Variants in HOXB9 observed in about 807,000 individuals in gnomAD.
HOXB9 encodes homeobox B9.
A neutral mutation model predicts 21.5 loss-of-function variants in HOXB9; 10 were observed. The observed-to-expected ratio is 0.47, with a 90% confidence interval of 0.29 to 0.79. The LOEUF is 0.79. Ranked by LOEUF, HOXB9 falls within the 30% of genes least tolerant of loss-of-function variation. HOXB9 has a pLI of 0.10. For missense variants in HOXB9, 375 were observed against 338.7 expected, an observed-to-expected ratio of 1.11 and a Z score of -0.84; for synonymous variants, 156 against 151.2, an observed-to-expected ratio of 1.03 and a Z score of -0.23.
At chr17:48,625,545 G>T (rs1039181085) in intron 1 of HOXB9, among the ~76,000 whole-genome samples, 21 of 152,228 alleles carry the variant, frequency 1.4e-4, no homozygotes, top group African/African-American at 5.1e-4. Context: ...AGTGGGGGCA[G>T]CGCTCCTCTG....
At chr17:48,624,990 T>TG (rs2070798690) in intron 1 of HOXB9, among the ~76,000 whole-genome samples, 1 of 152,268 alleles carries the variant, frequency 6.6e-6, no homozygotes, top group Non-Finnish European at 1.5e-5. Flanking sequence ...CAGCCCGGGC[T>TG]GGGGCTCGGG....
At position 48,625,708 on chromosome 17, in the gene HOXB9, C is replaced by T. The variant is rs371142398; in HGVS notation, c.517+45G>A. 2.3e-5 allele frequency: 33 copies of T among 1,439,646 alleles called. No individual in the cohort carries two copies. The South Asian group carries it at 3.9e-4, about 17-fold the overall frequency. The allele number at this position is 1,439,646 out of a possible 1,614,324, so 89.2% of individuals were successfully genotyped here. On this transcript the variant is annotated intron_variant, in intron 1 of 1. Transcript: ENST00000311177. Reference sequence around the variant, plus strand: ...TATTGCCTTTCCCCTCCCCGCCCCCCTCCTGGCCTTCGGCCTGGGTATTTC... The same window carrying T: ...TATTGCCTTTCCCCTCCCCGCCCCCTTCCTGGCCTTCGGCCTGGGTATTTC...
chr17:48,622,595 A>C lies in HOXB9; in HGVS notation c.*305T>G, dbSNP rs903660536. ...GTGAGGGGCTAGGACTTCCCAGAAA[A>C]ATTACAGGGCATACTAGGAGCTTGA... On this transcript the variant is annotated 3_prime_UTR_variant, in exon 2 of 2. Coordinates refer to ENST00000311177, the MANE Select transcript of HOXB9 (RefSeq NM_024017.5). The C allele has an allele frequency of 1.7e-5, 5 of 296,310 alleles. No homozygotes were observed. The highest frequency in any genetic ancestry group is 1.1e-3 in the Middle Eastern group (1 of 946). The allele number at this position is 296,310 out of a possible 1,614,324, so 18.4% of individuals were successfully genotyped here.
chr17:48,623,133 T>C lies in HOXB9; in HGVS notation c.520A>G (p.Asn174Asp), dbSNP rs2145009326. 6.2e-7 allele frequency: 1 copy of C among 1,611,842 alleles called. No homozygotes were observed. The highest frequency in any genetic ancestry group is 1.1e-5 in the South Asian group (1 of 90,706). Reference protein sequence around the residue: ...SEDKERPDQTNPSANWLHARS... With the variant: ...SEDKERPDQTDPSANWLHARS... ...GCGTGCAGCCAGTTGGCGGAGGGGT[T>C]GGCTGAAAGAGAAGCAGCGATAGAA... Residue 174 changes from asparagine to aspartate, a missense_variant and splice_region_variant, in exon 2 of 2, where the codon AAC (asparagine) becomes GAC (aspartate). Asn to Asp is a conservative substitution (Grantham distance 23). Coordinates refer to ENST00000311177, the MANE Select transcript of HOXB9 (RefSeq NM_024017.5).
Position 48,625,890 on chromosome 17 carries a change from T to A in HOXB9, c.380A>T (p.Glu127Val), listed in dbSNP as rs1242186801. Residue 127 changes from glutamate to valine, a missense_variant, in exon 1 of 2, where the codon GAG becomes GTG. Glu to Val is a moderately radical substitution (Grantham distance 121, BLOSUM62 -2). Coordinates refer to ENST00000311177, the MANE Select transcript of HOXB9 (RefSeq NM_024017.5). ...CTCGGGCGTGCCCTGTTTGAGCAGC[T>A]CCCCAGGCGCGCCCAGCAGCGGCTC... Reference protein sequence around the residue: ...KAEPLLGAPGELLKQGTPEYS... With the variant: ...KAEPLLGAPGVLLKQGTPEYS... The A allele has an allele frequency of 6.3e-7, 1 of 1,599,042 alleles. No individual in the cohort carries two copies. Among genetic ancestry groups the A allele is most frequent in the Admixed American group, 1.7e-5 (1 of 58,448 alleles).
chr17:48,625,738 CT>C lies in HOXB9; in HGVS notation c.517+14del. On this transcript the variant is annotated intron_variant, in intron 1 of 1. Transcript: ENST00000311177. The stretch of plus-strand genomic sequence containing the variant: ...GGCCTTCGGCCTGGGTATTTCCTCA[CT>C]TTTTATAACTTACTTTGATCCGGCC... 2 of 1,529,260 alleles carry C rather than the reference CT, an allele frequency of 1.3e-6. No individual in the cohort carries two copies. The highest frequency in any genetic ancestry group is 1.8e-6 in the Non-Finnish European group (2 of 1,137,356). 94.7% of individuals were successfully genotyped at this position (1,529,260 alleles called of 1,614,324 possible).
intron 1 of HOXB9, among the ~76,000 whole-genome samples, chr17:48,624,631 C>A (rs1283685812): frequency 1.3e-5 from 2 of 152,184 alleles, no homozygotes; most frequent in Admixed American, 6.5e-5. Context: ...CAAGGAGAGA[C>A]TAAAACATCC....
rs1435408535 is a variant in HOXB9 at position 48,626,097 on chromosome 17, A to G, written c.173T>C (p.Val58Ala). ...PSCSFQPKAPVFGASWAPLSP... is the reference protein window; with the variant it reads ...PSCSFQPKAPAFGASWAPLSP... ...CAGCGGCGCCCAGGAGGCGCCGAAC[A>G]CCGGCGCTTTGGGCTGGAAGCTGCA... The change falls in exon 1 of 2, where the codon GTG becomes GCG. Residue 58 changes from valine (V) to alanine (A), a missense_variant. Coordinates refer to ENST00000311177, the MANE Select transcript of HOXB9 (RefSeq NM_024017.5). 1 of 1,578,552 alleles carries G rather than the reference A, an allele frequency of 6.3e-7. No individual in the cohort carries two copies. The highest frequency in any genetic ancestry group is 8.6e-7 in the Non-Finnish European group (1 of 1,168,948).
intron 1 of HOXB9, 60 bp from the exon 2 acceptor site, chr17:48,623,195 G>A (rs1297909257): frequency 2.9e-6 from 4 of 1,364,950 alleles, no homozygotes; most frequent in South Asian, 2.6e-5. Context: ...CCCAGATCAA[G>A]AGGGCACTCC....
Position 48,622,760 on chromosome 17 carries a change from G to A in HOXB9, c.*140C>T. ...GCAAAGGAAAGGAGGGAGGTTCTAG[G>A]TGCAGATAAAGGACTTGGAAGAGAG... On this transcript the variant is annotated 3_prime_UTR_variant, in exon 2 of 2. Coordinates refer to ENST00000311177, the MANE Select transcript of HOXB9 (RefSeq NM_024017.5). The A allele has an allele frequency of 3.2e-6, 2 of 631,934 alleles. No homozygotes were observed. The highest frequency in any genetic ancestry group is 2.0e-5 in the South Asian group (1 of 50,898). The allele number at this position is 631,934 out of a possible 1,614,324, so 39.1% of individuals were successfully genotyped here.
intron 1 of HOXB9, among the ~76,000 whole-genome samples, 182 bp downstream of exon 1, chr17:48,625,571 C>T (rs1349329542): frequency 6.6e-6 from 1 of 152,234 alleles, no homozygotes; most frequent in Non-Finnish European, 1.5e-5. Flanking sequence ...CTCAGTCTCC[C>T]CTTCTAGAGC....
Position 48,625,935 on chromosome 17 carries a change from C to A in HOXB9, c.335G>T (p.Gly112Val). 1.3e-6 allele frequency: 2 copies of A among 1,546,814 alleles called. No homozygotes were observed. The change falls in exon 1 of 2, where the codon GGC becomes GTC. Residue 112 changes from glycine to valine, a missense_variant. Gly to Val is a moderately radical substitution (Grantham distance 109). Coordinates refer to ENST00000311177, the MANE Select transcript of HOXB9 (RefSeq NM_024017.5). ...APRGEAAPGQ[G>V]QAAVKAEPLL... Reference sequence around the variant, plus strand: ...CGGCTCCGCCTTCACCGCCGCCTGGCCCTGCCCCGGGGCCGCTTCGCCGCG... The same window carrying A: ...CGGCTCCGCCTTCACCGCCGCCTGGACCTGCCCCGGGGCCGCTTCGCCGCG...
In HOXB9 at chr17:48,626,203, C is replaced by G; in HGVS notation, c.67G>C (p.Ala23Pro). ...CCAGAAGGAAACTTGGCTGGAGGCG[C>G]GTCCTCACTCTCGTGACTTATGATC... is the stretch of plus-strand genomic sequence containing the variant. Reference protein sequence around the residue: ...DSIISHESEDAPPAKFPSGQY... With the variant: ...DSIISHESEDPPPAKFPSGQY... Residue 23 changes from alanine (A) to proline (P), a missense_variant, in exon 1 of 2, where the codon GCG becomes CCG. Ala to Pro is a conservative substitution (Grantham distance 27). Transcript: ENST00000311177. 1.3e-6 allele frequency: 2 copies of G among 1,599,302 alleles called. No homozygotes were observed. Among genetic ancestry groups the G allele is most frequent in the Non-Finnish European group, 1.7e-6 (2 of 1,179,722 alleles).
chr17:48,624,068 T>C (rs2070792551), intron 1 of HOXB9, among the ~76,000 whole-genome samples: 1 of 152,018 alleles, frequency 6.6e-6, no homozygotes, highest in South Asian at 2.1e-4. Flanking sequence ...GGTAACCGAG[T>C]GGAAGAGAGG....
chr17:48,624,319 C>T (rs1189880767), intron 1 of HOXB9, among the ~76,000 whole-genome samples: 1 of 152,040 alleles, frequency 6.6e-6, no homozygotes, highest in Admixed American at 6.5e-5. Context: ...GGATGGGACC[C>T]GCAGCCGCAT....
chr17:48,625,835 C>T lies in HOXB9; in HGVS notation c.435G>A (p.Glu145=), dbSNP rs1036682235. The change falls in exon 1 of 2, where the codon GAG becomes GAA. Residue 145 remains glutamate (E), a synonymous_variant. Transcript: ENST00000311177. The stretch of plus-strand genomic sequence containing the variant: ...CGGGTCTTTGATTAGACAGCACGGC[C>T]TCCCTGCCCGCCGAAGTTTCCAAAC... ...EYSLETSAGR[E]AVLSNQRPGY... 2.0e-5 allele frequency: 33 copies of T among 1,611,604 alleles called. No individual in the cohort carries two copies. In the Middle Eastern group the frequency reaches 4.9e-4, roughly 24 times the overall value.
intron 1 of HOXB9, among the ~76,000 whole-genome samples, chr17:48,625,537 T>G (rs560829077): frequency 6.6e-6 from 1 of 152,194 alleles, no homozygotes; most frequent in Non-Finnish European, 1.5e-5. Context: ...CTTGGAGAAG[T>G]GGGGGCAGCG....
intron 1 of HOXB9, among the ~76,000 whole-genome samples, chr17:48,623,719 CT>C (rs972726707): frequency 1.6e-4 from 25 of 152,206 alleles, no homozygotes; most frequent in African/African-American, 4.3e-4. Context: ...ATCTCCCCCC[CT>C]GCCACCACCA....
chr17:48,625,509 C>A (rs1251131368), intron 1 of HOXB9, among the ~76,000 whole-genome samples: 1 of 152,232 alleles, frequency 6.6e-6, no homozygotes, highest in Admixed American at 6.5e-5. Context: ...GATCCCCGAG[C>A]CCCTGTTCCC....
Sources: gnomAD v4.1 joint callset for allele counts (sites outside exome capture counted in the v4.1 genomes callset) on GRCh38, gnomAD v4.1.1 for gene constraint, MANE v1.5 for transcripts, NCBI Gene and HGNC (gene_info 2026-07-23, HGNC 2026-07-21) for gene names.